Variants in P2RY12 observed in about 807,000 individuals in gnomAD.
P2RY12 encodes the protein purinergic receptor P2Y12.
A neutral mutation model predicts 4.5 loss-of-function variants in P2RY12; 3 were observed. The observed-to-expected ratio is 0.67, with a 90% CI of 0.31 to 1.74. The LOEUF is 1.74. Among genes scored for constraint, P2RY12 ranks in the 40% most tolerant of loss-of-function variants. The probability of loss-of-function intolerance (pLI) is 0.09; values close to 1 mark genes in which losing one functional copy is unlikely to be tolerated. For synonymous variants in P2RY12, 148 were observed against 154.1 expected (o/e 0.96, Z 0.29); for missense variants, 356 against 407.8 (o/e 0.87, Z 1.09).
At chr3:151,357,146 A>C in intron 1 of P2RY12, 1 of 1,362,948 alleles carries the variant, frequency 7.3e-7, no homozygotes, top group Non-Finnish European at 1.0e-6. Context: ...TATGGTTTAT[A>C]AAAATAAATG....
At chr3:151,353,066 CT>C (rs1162695190) in intron 1 of P2RY12, among the ~76,000 whole-genome samples, 1 of 152,110 alleles carries the variant, frequency 6.6e-6, no homozygotes, top group African/African-American at 2.4e-5. Context: ...CAATTACATT[CT>C]TTTACATGAA....
At chr3:151,384,026 TTAAA>T (rs1712882723) in intron 1 of P2RY12, 1 of 1,553,466 alleles carries the variant, frequency 6.4e-7, no homozygotes, top group Admixed American at 1.8e-5. Context: ...AAATACTCAG[TTAAA>T]TAAGTGTATT....
chr3:151,342,228 C>G (rs765550037), intron 1 of P2RY12, among the ~76,000 whole-genome samples: 2 of 152,302 alleles, frequency 1.3e-5, no homozygotes, highest in Non-Finnish European at 2.9e-5. Context: ...TCCACATCCT[C>G]TCCAACACCT....
intron 1 of P2RY12, among the ~76,000 whole-genome samples, chr3:151,356,212 C>A (rs965306778): frequency 2.0e-5 from 3 of 151,986 alleles, no homozygotes; most frequent in Non-Finnish European, 2.9e-5. Flanking sequence ...CCAGCCTGGG[C>A]AACTTAGTGA....
At chr3:151,379,750 T>C (rs1053978562) in intron 1 of P2RY12, among the ~76,000 whole-genome samples, 2 of 152,246 alleles carry the variant, frequency 1.3e-5, no homozygotes, top group African/African-American at 4.8e-5. Context: ...CTTTAAAAAT[T>C]TTTAATTTTA....
chr3:151,372,512 TATTTGGCAATATTTTGAACTTCTGTG>T, intron 1 of P2RY12: 1 of 1,323,514 alleles, frequency 7.6e-7, no homozygotes. Context: ...GCTCCTCAAT[TATTTGGCAATATTTTGAACTTCTGTG>T]ATTTTGCTTT....
Position 151,337,821 on chromosome 3 carries a change from A to G in P2RY12, c.1025T>C (p.Met342Thr). ...DGGDPNEETPM is the reference protein window; with the variant it reads ...DGGDPNEETPT Reference sequence around the variant, plus strand: ...ATATTTCCTTAGTTAATTTGTTTACATTGGAGTCTCTTCATTTGGGTCACC... The same window carrying G: ...ATATTTCCTTAGTTAATTTGTTTACGTTGGAGTCTCTTCATTTGGGTCACC... The change falls in exon 3 of 3, where the codon ATG (methionine) becomes ACG (threonine). Residue 342 changes from methionine to threonine, a missense_variant. Met to Thr is a moderately conservative substitution (Grantham distance 81, BLOSUM62 -1). Coordinates refer to ENST00000302632, the MANE Select transcript of P2RY12 (RefSeq NM_022788.5). The G allele has an allele frequency of 6.2e-7, 1 of 1,613,784 alleles. No individual in the cohort carries two copies. Among genetic ancestry groups the G allele is most frequent in the Non-Finnish European group, 8.5e-7 (1 of 1,179,752 alleles).
intron 1 of P2RY12, among the ~76,000 whole-genome samples, chr3:151,370,071 A>G (rs576418346): frequency 1.3e-5 from 2 of 152,296 alleles, no homozygotes; most frequent in East Asian, 1.9e-4. Context: ...TATTATTGAT[A>G]AATCAATATT....
At position 151,340,706 on chromosome 3, in the gene P2RY12, A is replaced by G. The variant is rs1488053612; in HGVS notation, c.-125T>C. 1 of 152,608 alleles carries G rather than the reference A, an allele frequency of 6.6e-6. No individual in the cohort carries two copies. Among genetic ancestry groups the G allele is most frequent in the Non-Finnish European group, 1.5e-5 (1 of 68,030 alleles). 9.5% of individuals were successfully genotyped at this position (152,608 alleles called of 1,614,324 possible). On this transcript the variant is annotated 5_prime_UTR_variant, in exon 2 of 3. Coordinates refer to ENST00000302632, the MANE Select transcript of P2RY12 (RefSeq NM_022788.5). ...TTTTAATGTCTTAGTTTAGTTGCCA[A>G]ACCTCTTTGTGATAGAGGATTTCCT... is the stretch of plus-strand genomic sequence containing the variant.
intron 1 of P2RY12, chr3:151,367,810 C>T: frequency 1.3e-6 from 2 of 1,569,680 alleles, no homozygotes; most frequent in Non-Finnish European, 1.7e-6. Context: ...TGATTGTTGT[C>T]TTGATGGAGT....
intron 1 of P2RY12, chr3:151,384,002 T>C: frequency 4.0e-6 from 6 of 1,518,482 alleles, no homozygotes; most frequent in Non-Finnish European, 5.4e-6. Flanking sequence ...TTAAAAATTC[T>C]GTGCCTTGAA....
intron 1 of P2RY12, among the ~76,000 whole-genome samples, chr3:151,363,537 C>T (rs1754886684): frequency 6.6e-6 from 1 of 152,168 alleles, no homozygotes; most frequent in Non-Finnish European, 1.5e-5. Context: ...AGCTTTATTT[C>T]TCACATCAAC....
Position 151,376,794 on chromosome 3 carries a change from T to C in P2RY12, c.-180+7898A>G, listed in dbSNP as rs767248622. 1.4e-5 allele frequency: 22 copies of C among 1,612,550 alleles called. No homozygotes were observed. The East Asian group carries it at 2.2e-4, about 16-fold the overall frequency. On this transcript the variant is annotated intron_variant, in intron 1 of 2. Coordinates refer to ENST00000302632, the MANE Select transcript of P2RY12 (RefSeq NM_022788.5). The stretch of plus-strand genomic sequence containing the variant: ...ATAATGTTTTAATTCTTTCCATTTT[T>C]CCCAGAATCTTGAGCAGTGGACACT...
intron 1 of P2RY12, among the ~76,000 whole-genome samples, chr3:151,351,626 A>G (rs1284688109): frequency 2.6e-5 from 4 of 152,228 alleles, no homozygotes; most frequent in African/African-American, 4.8e-5. Context: ...AGAAGCCCTG[A>G]AACTAGCTAG....
At chr3:151,354,837 C>T (rs1753714296) in intron 1 of P2RY12, among the ~76,000 whole-genome samples, 1 of 152,022 alleles carries the variant, frequency 6.6e-6, no homozygotes, top group Non-Finnish European at 1.5e-5. Context: ...ATATGATTTC[C>T]TTTATATATA....
chr3:151,341,231 G>A (rs1751779292), intron 1 of P2RY12, among the ~76,000 whole-genome samples: 1 of 152,028 alleles, frequency 6.6e-6, no homozygotes, highest in Non-Finnish European at 1.5e-5. Context: ...GGTTAATAAT[G>A]TCATTATTTT....
Position 151,337,896 on chromosome 3 carries a change from T to C in P2RY12, c.950A>G (p.Asn317Ser), listed in dbSNP as rs754141331. 1.1e-5 allele frequency: 17 copies of C among 1,614,150 alleles called. No homozygotes were observed. Among genetic ancestry groups the C allele is most frequent in the Middle Eastern group, 1.6e-4 (1 of 6,062 alleles). ...GTCCTGGGACAGAGATGTTGCAGAA[T>C]TGGGGCACTTCAGCATACTTATCAA... Reference protein sequence around the residue: ...NSLISMLKCPNSATSLSQDNR... With the variant: ...NSLISMLKCPSSATSLSQDNR... The change falls in exon 3 of 3, where the codon AAT becomes AGT. Residue 317 changes from asparagine to serine, a missense_variant. Coordinates refer to ENST00000302632, the MANE Select transcript of P2RY12 (RefSeq NM_022788.5).
intron 1 of P2RY12, among the ~76,000 whole-genome samples, chr3:151,356,249 AAT>A (rs1753906003): frequency 6.6e-6 from 1 of 151,898 alleles, no homozygotes; most frequent in African/African-American, 2.4e-5. Flanking sequence ...AAAATTTAAA[AAT>A]TAGCTGGTTG....
At chr3:151,363,732 A>G (rs1221044731) in intron 1 of P2RY12, among the ~76,000 whole-genome samples, 1 of 152,164 alleles carries the variant, frequency 6.6e-6, no homozygotes, top group Non-Finnish European at 1.5e-5. Flanking sequence ...ATTACTTGGC[A>G]CTTGATTTAT....
Sources: allele counts gnomAD v4.1 joint callset (sites outside exome capture counted in the v4.1 genomes callset), GRCh38; gene constraint gnomAD v4.1.1; transcripts MANE v1.5; gene names NCBI Gene and HGNC (gene_info 2026-07-23, HGNC 2026-07-21).